The following ZNF827 variants were observed in gnomAD, a reference collection of about 807,000 sequenced individuals.
The protein encoded by ZNF827 is zinc finger protein 827.
Under a neutral mutation model 102.4 loss-of-function variants are expected in ZNF827, and 13 were observed. The ratio of observed to expected loss-of-function variants is 0.13; its 90% confidence interval spans 0.08 to 0.20. The LOEUF is 0.20. Among genes scored for constraint, ZNF827 ranks in the 10% least tolerant of loss-of-function variants. The pLI, the probability that ZNF827 is intolerant of heterozygous loss-of-function variation, is 1.00. For synonymous variants in ZNF827, 523 were observed against 536.2 expected (o/e 0.98, Z 0.34); for missense variants, 1,103 against 1,344.4 (o/e 0.82, Z 2.81).
At chr4:145,871,105 CT>C (rs34066811) in intron 4 of ZNF827, among the ~76,000 whole-genome samples, 153 of 145,722 alleles carry the variant, frequency 1.0e-3, no homozygotes, top group Middle Eastern at 7.3e-3. Context: ...CCAAAATGGC[CT>C]TTTTTTTTTT....
At chr4:145,935,418 G>A (rs1218631263) in intron 1 of ZNF827, among the ~76,000 whole-genome samples, 1 of 152,194 alleles carries the variant, frequency 6.6e-6, no homozygotes, top group Non-Finnish European at 1.5e-5. Flanking sequence ...TGATTGAACT[G>A]CAAAATACAC....
chr4:145,807,261 C>G (rs924716778), intron 8 of ZNF827, among the ~76,000 whole-genome samples: 6 of 152,188 alleles, frequency 3.9e-5, no homozygotes, highest in Non-Finnish European at 7.3e-5. Flanking sequence ...AGCTTACGGC[C>G]TATTAACTCA....
chr4:145,799,380 G>C (rs1740669837), intron 8 of ZNF827, among the ~76,000 whole-genome samples: 1 of 152,196 alleles, frequency 6.6e-6, no homozygotes, highest in Admixed American at 6.5e-5. Flanking sequence ...AAGCCTATGA[G>C]TTAGGTATTA....
At chr4:145,809,371 T>C (rs1560948257) in intron 8 of ZNF827, among the ~76,000 whole-genome samples, 1 of 152,228 alleles carries the variant, frequency 6.6e-6, no homozygotes, top group African/African-American at 2.4e-5. Context: ...GCCTTTGCTT[T>C]TTCCTGGGCC....
chr4:145,885,741 A>G lies in ZNF827; in HGVS notation c.1684T>C (p.Ser562Pro). 6.3e-7 allele frequency: 1 copy of G among 1,588,038 alleles called. No homozygotes were observed. The highest frequency in any genetic ancestry group is 1.2e-5 in the South Asian group (1 of 85,176). The part of the protein sequence containing the change: ...DPSEYVANSA[S>P]ALFSQDISVK... ...GAGATGTCCTGGCTGAACAATGCTG[A>G]CGCACTGTTGGCCACATACTCGGAG... Residue 562 changes from serine (S) to proline (P), a missense_variant, in exon 4 of 15, where the codon TCA becomes CCA. Around this residue, in one of 5 missense-constraint regions of ZNF827, gnomAD observed 157 missense variants for 211.7 expected, o/e 0.74. Transcript: ENST00000508784.
Position 145,763,635 on chromosome 4 carries a change from T to C in ZNF827, c.3231-513A>G, listed in dbSNP as rs1023766200. 1.3e-5 allele frequency among the ~76,000 whole-genome samples: 2 copies of C among 152,214 alleles called. No individual in the cohort carries two copies. Among genetic ancestry groups the C allele is most frequent in the Non-Finnish European group, 2.9e-5 (2 of 68,032 alleles). On this transcript the variant is annotated intron_variant, in intron 13 of 14. Transcript: ENST00000508784. The surrounding 1 kb of genome is among the most constrained non-coding windows in gnomAD (Gnocchi z 4.6). ...CAACTGGCAGGGGCTGCAATGTTCATGGGTGTGACTGGGCTACTGGGAAGG... is the reference window on the plus strand; with the variant it reads ...CAACTGGCAGGGGCTGCAATGTTCACGGGTGTGACTGGGCTACTGGGAAGG...
intron 1 of ZNF827, among the ~76,000 whole-genome samples, chr4:145,906,046 C>T (rs1751844678): frequency 6.6e-6 from 1 of 152,218 alleles, no homozygotes; most frequent in South Asian, 2.1e-4. Flanking sequence ...TACAACCACA[C>T]ATCAAATCTT....
chr4:145,918,923 T>C (rs1418106498), intron 1 of ZNF827, among the ~76,000 whole-genome samples: 1 of 152,174 alleles, frequency 6.6e-6, no homozygotes, highest in Non-Finnish European at 1.5e-5. Context: ...CCAATCATCT[T>C]ACTGGGGACT....
chr4:145,897,283 A>C (rs1035094940), intron 2 of ZNF827, among the ~76,000 whole-genome samples: 8 of 152,214 alleles, frequency 5.3e-5, no homozygotes, highest in Non-Finnish European at 1.2e-4. Context: ...CTTTAACACA[A>C]AGGTATTTTT....
intron 13 of ZNF827, among the ~76,000 whole-genome samples, chr4:145,764,523 C>T (rs1734988979): frequency 6.6e-6 from 1 of 152,162 alleles, no homozygotes; most frequent in African/African-American, 2.4e-5. Flanking sequence ...AAAAATGTTG[C>T]TTCCTGCCTG....
In ZNF827 at chr4:145,765,096, T is replaced by C; in HGVS notation, c.3122A>G (p.His1041Arg). ...KNMFERHLQI[H>R]LITRMFECDV... ...ACACTCAAACATCCGGGTGATGAGGTGTATCTGCAGATGACGCTCAAACAT... is the reference window on the plus strand; with the variant it reads ...ACACTCAAACATCCGGGTGATGAGGCGTATCTGCAGATGACGCTCAAACAT... The change falls in exon 13 of 15, where the codon CAC becomes CGC. Residue 1041 changes from histidine to arginine, a missense_variant. Transcript: ENST00000508784. The surrounding 1 kb of genome is among the most constrained non-coding windows in gnomAD (Gnocchi z 4.7). 1 of 1,614,132 alleles carries C rather than the reference T, an allele frequency of 6.2e-7. No individual in the cohort carries two copies. Among genetic ancestry groups the C allele is most frequent in the Non-Finnish European group, 8.5e-7 (1 of 1,180,018 alleles).
intron 8 of ZNF827, among the ~76,000 whole-genome samples, chr4:145,785,310 C>T (rs1320152922): frequency 6.6e-6 from 1 of 152,168 alleles, no homozygotes; most frequent in African/African-American, 2.4e-5. Context: ...GGGGACATGT[C>T]TCATTTCATG....
At chr4:145,827,240 C>A (rs1743778424) in intron 7 of ZNF827, among the ~76,000 whole-genome samples, 2 of 152,112 alleles carry the variant, frequency 1.3e-5, no homozygotes, top group Admixed American at 1.3e-4. Context: ...TCCGTTAACA[C>A]CTAAGGAATT....
At position 145,765,254 on chromosome 4, in the gene ZNF827, C is replaced by G. The variant is rs34284109; in HGVS notation, c.3053-89G>C. The G allele has an allele frequency of 5.3e-5, 74 of 1,387,802 alleles. No individual in the cohort carries two copies. The South Asian group carries it at 9.2e-4, about 17-fold the overall frequency. The allele number at this position is 1,387,802 out of a possible 1,614,324, so 86.0% of individuals were successfully genotyped here. On this transcript the variant is annotated intron_variant, in intron 12 of 14. Coordinates refer to ENST00000508784, the MANE Select transcript of ZNF827 (RefSeq NM_001306215.2). The surrounding 1 kb of genome is among the most constrained non-coding windows in gnomAD (Gnocchi z 4.7). Reference sequence around the variant, plus strand: ...AGCCAAGCTCCTCCCCACTTCCTCCCGCCTCCTCCGACGCCTGACAGCTAT... The same window carrying G: ...AGCCAAGCTCCTCCCCACTTCCTCCGGCCTCCTCCGACGCCTGACAGCTAT...
chr4:145,791,654 AG>A (rs1739723218), intron 8 of ZNF827, among the ~76,000 whole-genome samples: 1 of 152,208 alleles, frequency 6.6e-6, no homozygotes, highest in Non-Finnish European at 1.5e-5. Context: ...TTAATGGTTA[AG>A]AAAACTTTGG....
Position 145,761,230 on chromosome 4 carries a change from G to A in ZNF827, c.*386C>T, listed in dbSNP as rs1406483680. 1 of 1,289,880 alleles carries A rather than the reference G, an allele frequency of 7.8e-7. No individual in the cohort carries two copies. The highest frequency in any genetic ancestry group is 1.0e-6 in the Non-Finnish European group (1 of 988,870). The allele number at this position is 1,289,880 out of a possible 1,614,324, so 79.9% of individuals were successfully genotyped here. On this transcript the variant is annotated 3_prime_UTR_variant, in exon 15 of 15. Transcript: ENST00000508784. The surrounding 1 kb of genome is among the most constrained non-coding windows in gnomAD (Gnocchi z 6.8). ...CTTGACGTGGCGGCTGAAGACGAAAGGGTGTGTGGTCTTGAACAGGCACTC... is the reference window on the plus strand; with the variant it reads ...CTTGACGTGGCGGCTGAAGACGAAAAGGTGTGTGGTCTTGAACAGGCACTC...
chr4:145,761,763 T>C lies in ZNF827; in HGVS notation c.*18-165A>G, dbSNP rs1263937038. On this transcript the variant is annotated intron_variant, in intron 14 of 14. Transcript: ENST00000508784. This position sits in a 1 kb window ranked among gnomAD's most constrained non-coding sequence, Gnocchi z 6.8. ...GCCTCTCAGGGGTGGAACGGCCCTT[T>C]TTGGCTCTCCCTGCTGACAGAGCAG... Among the ~76,000 whole-genome samples the C allele has an allele frequency of 1.3e-5, 2 of 152,128 alleles. No homozygotes were observed. Among genetic ancestry groups the C allele is most frequent in the Non-Finnish European group, 2.9e-5 (2 of 67,988 alleles).
intron 1 of ZNF827, among the ~76,000 whole-genome samples, chr4:145,921,783 A>G (rs1368778027): frequency 2.0e-5 from 3 of 152,210 alleles, no homozygotes; most frequent in Non-Finnish European, 2.9e-5. Context: ...TGGAAATCTT[A>G]GTCATCTCTT....
intron 8 of ZNF827, among the ~76,000 whole-genome samples, chr4:145,814,920 G>A (rs981452363): frequency 3.3e-5 from 5 of 152,050 alleles, no homozygotes; most frequent in African/African-American, 9.7e-5. Flanking sequence ...CAGCCTGGGC[G>A]ACAGAGCAAG....
Sources: gnomAD v4.1 joint callset for allele counts (sites outside exome capture counted in the v4.1 genomes callset) on GRCh38, gnomAD v4.1.1 for gene constraint, gnomAD v4.1.1 regional missense constraint, Gnocchi (gnomAD v3.1) non-coding constraint, MANE v1.5 for transcripts, NCBI Gene and HGNC (gene_info 2026-07-23, HGNC 2026-07-21) for gene names.